ATP23: variants seen among roughly 807,000 people sequenced by gnomAD.
ATP23 encodes the protein ATP23 metallopeptidase and ATP synthase assembly factor homolog, also known as mitochondrial inner membrane protease ATP23 homolog.
In ATP23, 24 loss-of-function variants were observed where a neutral mutation model predicts 28.5. That is an observed-to-expected ratio of 0.84 (90% CI 0.61 to 1.18). The LOEUF is 1.18. Among genes scored for constraint, ATP23 ranks in the 50% most tolerant of loss-of-function variants. The pLI is 0.00. For missense variants in ATP23, 274 were observed against 306.4 expected (o/e 0.89, Z 0.79); for synonymous variants, 99 against 108.6 (o/e 0.91, Z 0.55).
chr12:57,943,310 A>G (rs1412269272), intron 1 of ATP23, among the ~76,000 whole-genome samples: 2 of 152,116 alleles, frequency 1.3e-5, no homozygotes, highest in African/African-American at 4.8e-5. Context: ...AGGTGACTTA[A>G]CTTCTCTGAT....
rs2140548761 is a variant in ATP23, at chr12:57,958,939, A to G, written c.*2049A>G. ...CAGGAGGTTAGTTATTAAGCTAATC[A>G]GGGAGGCACCAGAGAAAGGCAAAGC... On this transcript the variant is annotated 3_prime_UTR_variant, in exon 6 of 6. Coordinates refer to ENST00000300145, the MANE Select transcript of ATP23 (RefSeq NM_033276.4). Among the ~76,000 whole-genome samples the G allele has an allele frequency of 1.3e-5, 2 of 152,334 alleles. 1 individual carries two copies. The highest frequency in any genetic ancestry group is 6.8e-3 in the Middle Eastern group (2 of 294).
At chr12:57,952,774 T>C (rs1956827736) in intron 4 of ATP23, among the ~76,000 whole-genome samples, 2 of 152,108 alleles carry the variant, frequency 1.3e-5, no homozygotes, top group Admixed American at 1.3e-4. Flanking sequence ...GCCTTTTAGC[T>C]AGTTAAAGTG....
chr12:57,944,462 C>T (rs1357397210), intron 1 of ATP23, among the ~76,000 whole-genome samples: 2 of 152,170 alleles, frequency 1.3e-5, no homozygotes, highest in East Asian at 3.9e-4. Flanking sequence ...GTCACGGGCC[C>T]ATAGAGTCTT....
chr12:57,941,876 A>G lies in ATP23; in HGVS notation c.175A>G (p.Thr59Ala). Reference sequence around the variant, plus strand: ...GAAGTGCCAGCTTAGGCTCCTGAAGACGCTGGAGACAAGTAGGAGCCATGA... The same window carrying G: ...GAAGTGCCAGCTTAGGCTCCTGAAGGCGCTGGAGACAAGTAGGAGCCATGA... ...NQKCQLRLLKTLETNPYVKLL... is the reference protein window; with the variant it reads ...NQKCQLRLLKALETNPYVKLL... Residue 59 changes from threonine to alanine, a missense_variant, in exon 1 of 6, where the codon ACG (threonine) becomes GCG (alanine). Thr to Ala is a moderately conservative substitution (Grantham distance 58). Coordinates refer to ENST00000300145, the MANE Select transcript of ATP23 (RefSeq NM_033276.4). The G allele has an allele frequency of 6.2e-7, 1 of 1,613,396 alleles. No individual in the cohort carries two copies. The highest frequency in any genetic ancestry group is 2.2e-5 in the East Asian group (1 of 44,820).
chr12:57,944,564 C>G (rs1037316158), intron 1 of ATP23, among the ~76,000 whole-genome samples: 2 of 152,208 alleles, frequency 1.3e-5, no homozygotes, highest in Admixed American at 6.5e-5. Flanking sequence ...CTCTACAGAC[C>G]TCTCCTGGAA....
chr12:57,945,479 G>T (rs1161565629), intron 1 of ATP23, 149 bp from the exon 2 acceptor site: 2 of 625,140 alleles, frequency 3.2e-6, no homozygotes, highest in Non-Finnish European at 5.6e-6. Context: ...TGATCCACCC[G>T]CCTCAACCTC....
chr12:57,945,243 CT>C (rs5798421), intron 1 of ATP23, among the ~76,000 whole-genome samples: 2 of 151,310 alleles, frequency 1.3e-5, no homozygotes, highest in Non-Finnish European at 3.0e-5. Context: ...GATAACATTA[CT>C]TTTTTTTTGA....
Position 57,958,963 on chromosome 12 carries a change from G to A in ATP23, c.*2073G>A, listed in dbSNP as rs1422689377. 6.6e-6 allele frequency among the ~76,000 whole-genome samples: 1 copy of A among 152,172 alleles called. No homozygotes were observed. Among genetic ancestry groups the A allele is most frequent in the Middle Eastern group, 3.2e-3 (1 of 316 alleles). On this transcript the variant is annotated 3_prime_UTR_variant, in exon 6 of 6. Coordinates refer to ENST00000300145, the MANE Select transcript of ATP23 (RefSeq NM_033276.4). Reference sequence around the variant, plus strand: ...CAGGGAGGCACCAGAGAAAGGCAAAGCCCAGTGCAAGGAAATCCAAAAAAT... The same window carrying A: ...CAGGGAGGCACCAGAGAAAGGCAAAACCCAGTGCAAGGAAATCCAAAAAAT...
rs1030691913 is a variant in ATP23 at position 57,959,036 on chromosome 12, A to G, written c.*2146A>G. Among the ~76,000 whole-genome samples the G allele has an allele frequency of 2.0e-5, 3 of 152,152 alleles. No homozygotes were observed. The highest frequency in any genetic ancestry group is 7.2e-5 in the African/African-American group (3 of 41,458). On this transcript the variant is annotated 3_prime_UTR_variant, in exon 6 of 6. Coordinates refer to ENST00000300145, the MANE Select transcript of ATP23 (RefSeq NM_033276.4). ...ATATTCAAGGAAATGGAGAGCTTAA[A>G]GAAAAAAGAATAAAAAATTCAGGAA...
intron 4 of ATP23, 142 bp from the exon 5 acceptor site, chr12:57,953,464 A>T: frequency 1.5e-6 from 1 of 672,322 alleles, no homozygotes; most frequent in Non-Finnish European, 2.5e-6. Context: ...AAAGTCCTTT[A>T]AGAAGAAGTG....
chr12:57,945,739 T>C, intron 2 of ATP23, 66 bp downstream of exon 2: 2 of 1,443,830 alleles, frequency 1.4e-6, no homozygotes, highest in East Asian at 4.5e-5. Context: ...CAAGTTCTCT[T>C]CTTAAGAGAA....
chr12:57,952,932 C>G (rs1255469230), intron 4 of ATP23, among the ~76,000 whole-genome samples: 1 of 152,176 alleles, frequency 6.6e-6, no homozygotes, highest in Non-Finnish European at 1.5e-5. Flanking sequence ...CTTTTTCATT[C>G]ATTGAAGTAT....
chr12:57,955,280 G>GTTTTTTT (rs71087605), intron 5 of ATP23, among the ~76,000 whole-genome samples: 14,026 of 141,666 alleles, frequency 0.099, 1,095 homozygotes, highest in African/African-American at 0.22. Context: ...AATAGAGCAT[G>GTTTTTTT]TTTTTTTTTT....
rs190847860 is a variant in ATP23, at chr12:57,957,612, C to G, written c.*722C>G. Among the ~76,000 whole-genome samples the G allele has an allele frequency of 2.3e-3, 347 of 152,164 alleles. 2 individuals carry two copies. Among genetic ancestry groups the G allele is most frequent in the Non-Finnish European group, 3.7e-3 (252 of 67,986 alleles). Reference sequence around the variant, plus strand: ...GGGAGACCCTCCTCTCCCACACACACCCCCCCACTGGAGAAACTGAAGGTC... The same window carrying G: ...GGGAGACCCTCCTCTCCCACACACAGCCCCCCACTGGAGAAACTGAAGGTC... On this transcript the variant is annotated 3_prime_UTR_variant, in exon 6 of 6. Transcript: ENST00000300145.
intron 5 of ATP23, 74 bp downstream of exon 5, chr12:57,953,763 A>G (rs1956838236): frequency 7.6e-7 from 1 of 1,308,358 alleles, no homozygotes; most frequent in Non-Finnish European, 1.1e-6. Context: ...AATGAAAAGT[A>G]CATTCAGTAT....
chr12:57,951,950 A>C (rs1956820416), intron 4 of ATP23, 55 bp downstream of exon 4: 1 of 1,592,702 alleles, frequency 6.3e-7, no homozygotes, highest in Non-Finnish European at 8.6e-7. Context: ...ATTTTATTCA[A>C]GTGTAATTTA....
At chr12:57,953,453 A>C (rs1956833891) in intron 4 of ATP23, among the ~76,000 whole-genome samples, 153 bp from the exon 5 acceptor site, 1 of 152,250 alleles carries the variant, frequency 6.6e-6, no homozygotes, top group South Asian at 2.1e-4. Context: ...ATAGAGTTTA[A>C]AAAGTCCTTT....
chr12:57,946,446 A>ATTTT (rs369316315), intron 2 of ATP23, among the ~76,000 whole-genome samples: 3 of 104,024 alleles, frequency 2.9e-5, no homozygotes, highest in Admixed American at 1.0e-4. Context: ...AGTTGAACAA[A>ATTTT]TTTTTTTTTT....
intron 1 of ATP23, among the ~76,000 whole-genome samples, chr12:57,943,796 AATAG>A (rs1320736385): frequency 1.3e-5 from 2 of 152,232 alleles, no homozygotes; most frequent in South Asian, 2.1e-4. Flanking sequence ...GAAGAGTGGA[AATAG>A]ATAGGATGTG....
Sources: allele counts gnomAD v4.1 joint callset (sites outside exome capture counted in the v4.1 genomes callset), GRCh38; gene constraint gnomAD v4.1.1; transcripts MANE v1.5; gene names NCBI Gene and HGNC (gene_info 2026-07-23, HGNC 2026-07-21).